RAPGEF5: variants seen among roughly 807,000 people sequenced by gnomAD.
The protein encoded by RAPGEF5 is M-Ras-regulated GEF.
Under a neutral mutation model 125.2 loss-of-function variants are expected in RAPGEF5, and 65 were observed. The observed-to-expected ratio is 0.52, with a 90% confidence interval of 0.43 to 0.64. RAPGEF5 has a LOEUF of 0.64. RAPGEF5 is among the 30% of genes least tolerant of loss of function. RAPGEF5 has a pLI of 0.00. For synonymous variants in RAPGEF5, 391 were observed against 385.9 expected (o/e 1.01, Z -0.16); for missense variants, 958 against 1,048.1 (o/e 0.91, Z 1.19).
At chr7:22,130,929 A>G (rs1782896745) in intron 24 of RAPGEF5, 108 bp downstream of exon 24, 1 of 1,428,920 alleles carries the variant, frequency 7.0e-7, no homozygotes, top group Non-Finnish European at 9.4e-7. Flanking sequence ...TGAATTCGCC[A>G]TGCATCCAAT....
chr7:22,325,606 C>G (rs531686785), intron 1 of RAPGEF5, among the ~76,000 whole-genome samples: 1 of 152,180 alleles, frequency 6.6e-6, no homozygotes, highest in South Asian at 2.1e-4. Context: ...TGCTCTGTCT[C>G]CCAGGCTGGA....
intron 3 of RAPGEF5, among the ~76,000 whole-genome samples, chr7:22,312,403 TTCA>T (rs1321572338): frequency 6.6e-6 from 1 of 152,090 alleles, no homozygotes; most frequent in Non-Finnish European, 1.5e-5. Flanking sequence ...GAGCTGGGGT[TTCA>T]TCATGTTGGC....
At chr7:22,353,624 A>T (rs533478388) in intron 1 of RAPGEF5, among the ~76,000 whole-genome samples, 4 of 152,262 alleles carry the variant, frequency 2.6e-5, no homozygotes, top group African/African-American at 9.6e-5. Flanking sequence ...TTATACAATT[A>T]AAAAAATTAA....
intron 5 of RAPGEF5, among the ~76,000 whole-genome samples, chr7:22,305,510 G>A (rs1335780196): frequency 6.6e-6 from 1 of 152,160 alleles, no homozygotes; most frequent in African/African-American, 2.4e-5. Flanking sequence ...ACATCATAGA[G>A]AATGGGGTAC....
At chr7:22,254,869 G>A (rs976135706) in intron 7 of RAPGEF5, among the ~76,000 whole-genome samples, 1 of 152,142 alleles carries the variant, frequency 6.6e-6, no homozygotes, top group Non-Finnish European at 1.5e-5. Context: ...ATCGAATGCT[G>A]CCACTGATCT....
intron 1 of RAPGEF5, among the ~76,000 whole-genome samples, chr7:22,329,453 C>T (rs61410979): frequency 0.07 from 10,633 of 152,196 alleles, 478 homozygotes; most frequent in South Asian, 0.16. Flanking sequence ...AGGATTCCCC[C>T]CACTCTGGTT....
intron 1 of RAPGEF5, among the ~76,000 whole-genome samples, chr7:22,326,788 C>T (rs903925279): frequency 1.3e-5 from 2 of 152,126 alleles, no homozygotes; most frequent in African/African-American, 2.4e-5. Flanking sequence ...ACAAGATACA[C>T]TATAAAGCAA....
At chr7:22,279,768 G>A (rs1027665840) in intron 6 of RAPGEF5, among the ~76,000 whole-genome samples, 18 of 152,168 alleles carry the variant, frequency 1.2e-4, no homozygotes, top group Non-Finnish European at 2.4e-4. Flanking sequence ...TTATACATAC[G>A]TACAGACTTC....
chr7:22,336,914 G>GAA (rs35854355), intron 1 of RAPGEF5, among the ~76,000 whole-genome samples: 15,027 of 152,174 alleles, frequency 0.099, 764 homozygotes, highest in South Asian at 0.17. Flanking sequence ...GGCTCACAGA[G>GAA]AATAGCCTTT....
chr7:22,275,167 C>T (rs192860700), intron 6 of RAPGEF5, among the ~76,000 whole-genome samples: 36 of 152,282 alleles, frequency 2.4e-4, no homozygotes, highest in Non-Finnish European at 3.8e-4. Context: ...TTCTCCTGAG[C>T]GCCACTCACC....
At chr7:22,179,939 T>C (rs1415133056) in intron 11 of RAPGEF5, among the ~76,000 whole-genome samples, 1 of 152,212 alleles carries the variant, frequency 6.6e-6, no homozygotes, top group Non-Finnish European at 1.5e-5. Flanking sequence ...TAAGTATCCT[T>C]AGTCCAGCAG....
intron 23 of RAPGEF5, among the ~76,000 whole-genome samples, chr7:22,133,212 C>G (rs1249949248): frequency 6.6e-6 from 1 of 152,126 alleles, no homozygotes; most frequent in African/African-American, 2.4e-5. Flanking sequence ...CTGGTACTGT[C>G]TAAGCATAAG....
intron 12 of RAPGEF5, among the ~76,000 whole-genome samples, chr7:22,164,900 T>C (rs1187935350): frequency 6.6e-6 from 1 of 152,202 alleles, no homozygotes; most frequent in Non-Finnish European, 1.5e-5. Flanking sequence ...CAAATAGCTT[T>C]AATCTATAAA....
intron 7 of RAPGEF5, among the ~76,000 whole-genome samples, chr7:22,250,758 C>T (rs1786598975): frequency 6.6e-6 from 1 of 152,080 alleles, no homozygotes; most frequent in Admixed American, 6.6e-5. Flanking sequence ...AATTATTATT[C>T]TCATATTCTT....
intron 24 of RAPGEF5, among the ~76,000 whole-genome samples, chr7:22,128,739 C>T (rs1289597045): frequency 6.6e-6 from 1 of 152,162 alleles, no homozygotes; most frequent in Non-Finnish European, 1.5e-5. Flanking sequence ...GCTCACTAGT[C>T]CCAGGTGTGG....
At chr7:22,350,825 A>C (rs1784316975) in intron 1 of RAPGEF5, among the ~76,000 whole-genome samples, 1 of 152,236 alleles carries the variant, frequency 6.6e-6, no homozygotes, top group Non-Finnish European at 1.5e-5. Flanking sequence ...GTTGGCATCC[A>C]CAGAGCTTTA....
intron 9 of RAPGEF5, among the ~76,000 whole-genome samples, chr7:22,211,877 CCA>C (rs1381648712): frequency 6.6e-6 from 1 of 152,056 alleles, no homozygotes; most frequent in Non-Finnish European, 1.5e-5. Flanking sequence ...CATCCACAGT[CCA>C]CACTTAGGCT....
chr7:22,290,593 A>C (rs1047215417), intron 6 of RAPGEF5, among the ~76,000 whole-genome samples: 3 of 151,826 alleles, frequency 2.0e-5, no homozygotes, highest in African/African-American at 7.3e-5. Flanking sequence ...AAAATACAAA[A>C]AATTAGCCGG....
At chr7:22,143,193 A>G (rs928796763) in intron 20 of RAPGEF5, among the ~76,000 whole-genome samples, 1 of 152,178 alleles carries the variant, frequency 6.6e-6, no homozygotes, top group Non-Finnish European at 1.5e-5. Flanking sequence ...ACAATGGCCA[A>G]ATTTTTTTAA....
Sources: allele counts gnomAD v4.1 joint callset (sites outside exome capture counted in the v4.1 genomes callset), GRCh38; gene constraint gnomAD v4.1.1; transcripts MANE v1.5; gene names NCBI Gene and HGNC (gene_info 2026-07-23, HGNC 2026-07-21).